The following ACSBG1 variants were observed in gnomAD, a reference collection of about 807,000 sequenced individuals.
ACSBG1 encodes long-chain-fatty-acid--CoA ligase ACSBG1.
A neutral mutation model predicts 80.2 loss-of-function variants in ACSBG1; 39 were observed. The observed-to-expected ratio is 0.49, with a 90% CI of 0.38 to 0.64. The LOEUF (loss-of-function observed/expected upper bound fraction) is 0.64, where lower values mean the gene tolerates loss of function less well. Among genes scored for constraint, ACSBG1 ranks in the 30% least tolerant of loss-of-function variants. The pLI is 0.00. For synonymous variants in ACSBG1, 392 were observed against 379.5 expected (o/e 1.03, Z -0.38); for missense variants, 828 against 966.4 (o/e 0.86, Z 1.90).
intron 2 of ACSBG1, among the ~76,000 whole-genome samples, chr15:78,196,704 C>T (rs937364136): frequency 6.6e-6 from 1 of 152,124 alleles, no homozygotes; most frequent in Non-Finnish European, 1.5e-5. Context: ...AAAATTGAAA[C>T]AACCCAAATG....
intron 11 of ACSBG1, among the ~76,000 whole-genome samples, chr15:78,175,523 G>A (rs1465046175): frequency 6.6e-6 from 1 of 152,218 alleles, no homozygotes; most frequent in Non-Finnish European, 1.5e-5. Flanking sequence ...ATGAACGGGA[G>A]TTGGCAGGCA....
chr15:78,178,168 A>T lies in ACSBG1; in HGVS notation c.1702+446T>A, dbSNP rs1038342114. On this transcript the variant is annotated intron_variant, in intron 11 of 13. Coordinates refer to ENST00000258873, the MANE Select transcript of ACSBG1 (RefSeq NM_015162.5). This position sits in a 1 kb window ranked among gnomAD's most constrained non-coding sequence, Gnocchi z 4.3. The stretch of plus-strand genomic sequence containing the variant: ...CCCCATAGGAGAGTGGAGTAAATAA[A>T]ACGATGTCACTAAAGGTGCCATCTT... Among the ~76,000 whole-genome samples the T allele has an allele frequency of 4.6e-5, 7 of 152,126 alleles. No individual in the cohort carries two copies. The highest frequency in any genetic ancestry group is 3.9e-4 in the Admixed American group (6 of 15,278).
At chr15:78,222,841 G>A (rs546696955) in intron 1 of ACSBG1, among the ~76,000 whole-genome samples, 1 of 152,222 alleles carries the variant, frequency 6.6e-6, no homozygotes, top group South Asian at 2.1e-4. Flanking sequence ...AAATGATCAA[G>A]CAAGAATTCT....
At chr15:78,229,819 AG>A (rs1276459722) in intron 1 of ACSBG1, among the ~76,000 whole-genome samples, 1 of 152,026 alleles carries the variant, frequency 6.6e-6, no homozygotes. Flanking sequence ...CACCCCTCCC[AG>A]GGTTCCTGTC....
chr15:78,208,519 A>ACTT (rs2075238286), intron 1 of ACSBG1, among the ~76,000 whole-genome samples: 1 of 152,140 alleles, frequency 6.6e-6, no homozygotes. Context: ...GGGTTCCCCC[A>ACTT]TCTGTCACTC....
intron 5 of ACSBG1, among the ~76,000 whole-genome samples, chr15:78,183,542 A>T (rs942886494): frequency 3.3e-5 from 5 of 152,160 alleles, no homozygotes; most frequent in African/African-American, 9.7e-5. Context: ...GCTCCTCGGC[A>T]CTCCAGAGAG....
In ACSBG1 at chr15:78,179,532, G is replaced by C; in HGVS notation, c.1484+18C>G. 6.2e-7 allele frequency: 1 copy of C among 1,602,306 alleles called. No individual in the cohort carries two copies. ...AGGGCGCATGGGTGTGCATGTGTGT[G>C]GCAGCCTCGAGCCTCACCTGTACAG... On this transcript the variant is annotated intron_variant, in intron 10 of 13. Transcript: ENST00000258873.
chr15:78,202,750 T>C (rs1201552405), intron 2 of ACSBG1, among the ~76,000 whole-genome samples: 2 of 152,194 alleles, frequency 1.3e-5, no homozygotes, highest in East Asian at 1.9e-4. Flanking sequence ...TGGCAATATA[T>C]ATCCAAAGGC....
chr15:78,199,139 C>CT (rs1012883787), intron 2 of ACSBG1, among the ~76,000 whole-genome samples: 1 of 151,310 alleles, frequency 6.6e-6, no homozygotes, highest in African/African-American at 2.4e-5. Flanking sequence ...TTCCTTCCTT[C>CT]TTTTTTTGAG....
intron 1 of ACSBG1, among the ~76,000 whole-genome samples, chr15:78,217,530 T>G (rs1002742287): frequency 6.6e-6 from 1 of 151,828 alleles, no homozygotes; most frequent in African/African-American, 2.4e-5. Context: ...TCTAAACCCC[T>G]GCATCCACCA....
Position 78,179,768 on chromosome 15 carries a change from G to A in ACSBG1, c.1266C>T (p.Pro422=). 6.2e-7 allele frequency: 1 copy of A among 1,613,104 alleles called. No homozygotes were observed. The highest frequency in any genetic ancestry group is 8.5e-7 in the Non-Finnish European group (1 of 1,179,820). Residue 422 remains proline (P), a synonymous_variant, in exon 10 of 14, where the codon CCC becomes CCT. Transcript: ENST00000258873. ...GGTAATCTGCCAGTCTGGTTGTGAA[G>A]GGCTTCAGGTCGCTGGTGGGAGAGG... is the stretch of plus-strand genomic sequence containing the variant. The part of the protein sequence containing the change: ...NLTCPGSDLK[P]FTTRLADYLV...
intron 1 of ACSBG1, among the ~76,000 whole-genome samples, chr15:78,216,233 G>A (rs2075311129): frequency 2.0e-5 from 3 of 152,156 alleles, no homozygotes; most frequent in African/African-American, 7.2e-5. Context: ...ATGTTGCATG[G>A]GACGAGGGGG....
intron 1 of ACSBG1, among the ~76,000 whole-genome samples, chr15:78,208,315 C>T (rs975114680): frequency 2.0e-5 from 3 of 152,156 alleles, no homozygotes; most frequent in African/African-American, 7.2e-5. Context: ...TGCCCCCACC[C>T]AGCCTCCCTC....
In ACSBG1 at chr15:78,180,894, G is replaced by A. The variant is rs2074936035; in HGVS notation, c.1114C>T (p.His372Tyr). 6.2e-7 allele frequency: 1 copy of A among 1,614,204 alleles called. No homozygotes were observed. The highest frequency in any genetic ancestry group is 8.5e-7 in the Non-Finnish European group (1 of 1,180,030). Residue 372 changes from histidine (H) to tyrosine (Y), a missense_variant, in exon 9 of 14, where the codon CAC becomes TAC. This residue lies in a region of ACSBG1 where 271 missense variants were observed against 375.9 expected (regional missense o/e 0.72). Transcript: ENST00000258873. Reference sequence around the variant, plus strand: ...TCCCATACCCGGGGCACCCCCATGTGTGATGTGGGCTCCACCTCCCGCAGC... The same window carrying A: ...TCCCATACCCGGGGCACCCCCATGTATGATGTGGGCTCCACCTCCCGCAGC... ...NTLREVEPTS[H>Y]MGVPRVWEKI...
chr15:78,209,375 C>G (rs1182536237), intron 1 of ACSBG1: 1 of 417,026 alleles, frequency 2.4e-6, no homozygotes. Flanking sequence ...GCCTGGGCCA[C>G]AGGCCTGGAG....
At chr15:78,203,457 G>C (rs2075186304) in intron 2 of ACSBG1, among the ~76,000 whole-genome samples, 1 of 152,250 alleles carries the variant, frequency 6.6e-6, no homozygotes, top group South Asian at 2.1e-4. Context: ...CAAGTGCCAA[G>C]TCAGCTGAGA....
chr15:78,171,337 C>A lies in ACSBG1; in HGVS notation c.*107G>T. The A allele has an allele frequency of 3.5e-6, 3 of 865,812 alleles. No homozygotes were observed. The highest frequency in any genetic ancestry group is 5.4e-6 in the Non-Finnish European group (3 of 551,674). 53.6% of individuals were successfully genotyped at this position (865,812 alleles called of 1,614,324 possible). A position where few individuals can be genotyped will look rare whatever the true frequency, so the allele number is the denominator to read the frequency against. On this transcript the variant is annotated 3_prime_UTR_variant, in exon 14 of 14. Transcript: ENST00000258873. ...GCTGTGCCCTGACCTGGAGATCTAA[C>A]AGACTTGGCAGAAATGCCTGTGCCC...
intron 8 of ACSBG1, 140 bp downstream of exon 8, chr15:78,181,829 G>A: frequency 8.8e-7 from 1 of 1,138,438 alleles, no homozygotes; most frequent in South Asian, 1.5e-5. Flanking sequence ...GAGTCAGGCT[G>A]TGCCCACTGC....
chr15:78,178,810 G>T lies in ACSBG1; in HGVS notation c.1506C>A (p.Gly502=), dbSNP rs776780702. The change falls in exon 11 of 14, where the codon GGC becomes GGA. Residue 502 remains glycine, a synonymous_variant. Coordinates refer to ENST00000258873, the MANE Select transcript of ACSBG1 (RefSeq NM_015162.5). The surrounding 1 kb of genome is among the most constrained non-coding windows in gnomAD (Gnocchi z 4.3). Reference sequence around the variant, plus strand: ...CCTGGTTCACCAGCTTCACCCGACAGCCGGGCACCAACTTGCCTGAGCTGG... The same window carrying T: ...CCTGGTTCACCAGCTTCACCCGACATCCGGGCACCAACTTGCCTGAGCTGG... ...RLYSSGKLVP[G]CRVKLVNQDA... is the part of the protein sequence containing the mutation. 2 of 1,612,656 alleles carry T rather than the reference G, an allele frequency of 1.2e-6. No homozygotes were observed. The highest frequency in any genetic ancestry group is 2.7e-5 in the African/African-American group (2 of 74,930).
Sources: gnomAD v4.1 joint callset for allele counts (sites outside exome capture counted in the v4.1 genomes callset) on GRCh38, gnomAD v4.1.1 for gene constraint, gnomAD v4.1.1 regional missense constraint, Gnocchi (gnomAD v3.1) non-coding constraint, MANE v1.5 for transcripts, NCBI Gene and HGNC (gene_info 2026-07-23, HGNC 2026-07-21) for gene names.